SOD2: variants seen among roughly 807,000 people sequenced by gnomAD.
The protein encoded by SOD2 is superoxide dismutase 2.
In SOD2, 11 loss-of-function variants were observed where a neutral mutation model predicts 27.0. The observed-to-expected ratio is 0.41, with a 90% confidence interval of 0.26 to 0.67. The LOEUF (loss-of-function observed/expected upper bound fraction) is 0.67. SOD2 is among the 30% of genes least tolerant of loss of function. SOD2 has a pLI of 0.34. For missense variants in SOD2, 250 were observed against 274.5 expected (o/e 0.91, Z 0.63); for synonymous variants, 105 against 103.0 (o/e 1.02, Z -0.12).
chr6:159,716,043 A>G (rs1013845411), intron 1 of SOD2, among the ~76,000 whole-genome samples: 2 of 152,218 alleles, frequency 1.3e-5, no homozygotes, highest in Admixed American at 1.3e-4. Context: ...TTGTGAAACA[A>G]GGGCTATGGA....
At chr6:159,738,911 G>C (rs1779077981) in intron 1 of SOD2, 3 of 1,020,992 alleles carry the variant, frequency 2.9e-6, no homozygotes. Context: ...TCACACTTGG[G>C]AGATGTTTCA....
At chr6:159,712,970 G>A in intron 1 of SOD2, 1 of 609,136 alleles carries the variant, frequency 1.6e-6, no homozygotes, top group East Asian at 2.8e-5. Context: ...TTTTGCCATA[G>A]CTGCCACTGC....
intron 1 of SOD2, among the ~76,000 whole-genome samples, chr6:159,758,360 A>C (rs1780058092): frequency 6.6e-6 from 1 of 151,962 alleles, no homozygotes; most frequent in African/African-American, 2.4e-5. Flanking sequence ...TTGGTGCCCC[A>C]GTTTGGTTCC....
At chr6:159,752,811 A>G (rs901199055) in intron 1 of SOD2, among the ~76,000 whole-genome samples, 20 of 152,152 alleles carry the variant, frequency 1.3e-4, no homozygotes, top group Admixed American at 8.5e-4. Context: ...ATGCAGTGGC[A>G]TGGTCACAGC....
Position 159,702,293 on chromosome 6 carries a change from A to C in SOD2, c.-115-9430T>G, listed in dbSNP as rs113843787. The stretch of plus-strand genomic sequence containing the variant: ...AGCAAAGCAAGACCCTGTCTGTATA[A>C]AATTTTTTTTTTTTTTTTCTTGAGA... On this transcript the variant is annotated intron_variant, in intron 1 of 2. Coordinates refer to the SOD2 transcript ENST00000401980. Among the ~76,000 whole-genome samples, 1,271 of 151,152 alleles carry C rather than the reference A, an allele frequency of 8.4e-3. 20 individuals are homozygous for C. The highest frequency in any genetic ancestry group is 0.028 in the African/African-American group (1,157 of 40,830).
chr6:159,730,157 C>A (rs777813035), upstream of SOD2, among the ~76,000 whole-genome samples: 4 of 152,284 alleles, frequency 2.6e-5, no homozygotes, highest in East Asian at 7.7e-4. Flanking sequence ...CTGTTTTAAT[C>A]ACCTAATAGC....
intron 2 of SOD2, 93 bp downstream of exon 2, chr6:159,692,568 T>C: frequency 6.4e-7 from 1 of 1,568,330 alleles, no homozygotes. Context: ...CGAAGCGAGT[T>C]CTCCTCCACG....
At chr6:159,683,482 C>T (rs1484380146) in intron 4 of SOD2, among the ~76,000 whole-genome samples, 2 of 152,190 alleles carry the variant, frequency 1.3e-5, no homozygotes, top group Non-Finnish European at 2.9e-5. Flanking sequence ...GAGACTCCAT[C>T]ACGCACACAC....
chr6:159,750,106 T>G (rs1469628199), upstream of SOD2, among the ~76,000 whole-genome samples: 2 of 152,206 alleles, frequency 1.3e-5, no homozygotes, highest in Admixed American at 6.5e-5. Context: ...GAAATCTGCT[T>G]CTAAAATTCT....
upstream of SOD2, among the ~76,000 whole-genome samples, chr6:159,746,575 T>A (rs1402967006): frequency 6.6e-6 from 1 of 152,212 alleles, no homozygotes; most frequent in Non-Finnish European, 1.5e-5. Context: ...CTTTGCCAAG[T>A]ACATCAGTAG....
chr6:159,704,549 G>A (rs900316610), intron 1 of SOD2, among the ~76,000 whole-genome samples: 8 of 152,146 alleles, frequency 5.3e-5, no homozygotes, highest in East Asian at 1.9e-4. Context: ...GCCTGAGATC[G>A]AACTCCAAGG....
intron 1 of SOD2, among the ~76,000 whole-genome samples, chr6:159,709,856 T>C (rs1777697412): frequency 6.6e-6 from 1 of 152,072 alleles, no homozygotes; most frequent in African/African-American, 2.4e-5. Context: ...AGCAAAGACC[T>C]GGAGCCAACC....
intron 1 of SOD2, among the ~76,000 whole-genome samples, chr6:159,699,048 G>A (rs763424919): frequency 1.1e-4 from 16 of 151,840 alleles, no homozygotes; most frequent in African/African-American, 2.4e-4. Context: ...GTGTAGCTCC[G>A]TGCCTTTAAA....
At chr6:159,732,878 A>C (rs1416054833) in intron 1 of SOD2, among the ~76,000 whole-genome samples, 1 of 122,746 alleles carries the variant, frequency 8.1e-6, no homozygotes, top group South Asian at 2.9e-4. Flanking sequence ...CTCTCTGTAT[A>C]TATATATAGT....
chr6:159,761,747 GTGTCCAGAAACA>G (rs1780131908), exon 1 of SOD2: 2 of 347,942 alleles, frequency 5.7e-6, no homozygotes, highest in South Asian at 4.5e-5. Flanking sequence ...CAACATTGGG[GTGTCCAGAAACA>G]CTGGGGTTTC....
At chr6:159,712,859 T>G (rs1168771140) in intron 1 of SOD2, 4 of 620,230 alleles carry the variant, frequency 6.4e-6, no homozygotes, top group Non-Finnish European at 1.2e-5. Context: ...CTGCTGTAGA[T>G]TCAAGAAAAG....
intron 4 of SOD2, among the ~76,000 whole-genome samples, chr6:159,684,471 G>A (rs1284586027): frequency 6.6e-6 from 1 of 152,018 alleles, no homozygotes; most frequent in Non-Finnish European, 1.5e-5. Flanking sequence ...ACAAAAATTA[G>A]CTGGGCATGG....
chr6:159,744,252 C>G lies in SOD2; in HGVS notation c.-116+878G>C, dbSNP rs771712113. ...TTAATTGTTAGAACTTTGATGTGTA[C>G]TGTGTAGTATTTACTATGTCTACGT... On this transcript the variant is annotated intron_variant, in intron 1 of 3. Coordinates refer to the SOD2 transcript ENST00000537657. Among the ~76,000 whole-genome samples, 2 of 152,094 alleles carry G rather than the reference C, an allele frequency of 1.3e-5. 1 individual carries two copies. The highest frequency in any genetic ancestry group is 2.9e-5 in the Non-Finnish European group (2 of 68,016).
chr6:159,727,665 A>G (rs564156087), upstream of SOD2: 4 of 985,264 alleles, frequency 4.1e-6, no homozygotes, highest in East Asian at 2.3e-4. Context: ...GCCTCGGCCT[A>G]TGCGACCGGT....
Sources: gnomAD v4.1 joint callset for allele counts (sites outside exome capture counted in the v4.1 genomes callset) on GRCh38, gnomAD v4.1.1 for gene constraint, MANE v1.5 for transcripts, NCBI Gene and HGNC (gene_info 2026-07-23, HGNC 2026-07-21) for gene names.